The following GULP1 variants were observed in gnomAD, a reference collection of about 807,000 sequenced individuals.
GULP1 encodes GULP PTB domain containing engulfment adaptor 1, also known as PTB domain-containing engulfment adapter protein 1.
In GULP1, 19 loss-of-function variants were observed where a neutral mutation model predicts 40.9. That is an observed-to-expected ratio of 0.46 (90% CI 0.32 to 0.68). GULP1 has a LOEUF of 0.68. Among genes scored for constraint, GULP1 ranks in the 30% least tolerant of loss-of-function variants. GULP1 has a pLI of 0.03. For missense variants in GULP1, 312 were observed against 362.2 expected, an observed-to-expected ratio of 0.86 and a Z score of 1.12; for synonymous variants, 119 against 117.6, an observed-to-expected ratio of 1.01 and a Z score of -0.08.
intron 7 of GULP1, among the ~76,000 whole-genome samples, chr2:188,552,718 A>C (rs1372123273): frequency 6.6e-6 from 1 of 151,658 alleles, no homozygotes; most frequent in Non-Finnish European, 1.5e-5. Flanking sequence ...GTAGTCATTT[A>C]AATGATATTA....
intron 4 of GULP1, among the ~76,000 whole-genome samples, chr2:188,519,075 G>C (rs1281932007): frequency 6.6e-6 from 1 of 151,852 alleles, no homozygotes; most frequent in Non-Finnish European, 1.5e-5. Flanking sequence ...GAAGTATAAG[G>C]CATAAACTTT....
intron 1 of GULP1, among the ~76,000 whole-genome samples, chr2:188,375,754 C>T (rs1278280045): frequency 2.6e-5 from 4 of 152,108 alleles, no homozygotes; most frequent in Non-Finnish European, 5.9e-5. Context: ...ATCACAATTT[C>T]ATCTTCTAAA....
chr2:188,387,755 T>G (rs2049968134), intron 2 of GULP1, among the ~76,000 whole-genome samples: 1 of 152,156 alleles, frequency 6.6e-6, no homozygotes, highest in South Asian at 2.1e-4. Context: ...GCAGAGTAGT[T>G]GGAAGTGTGT....
At chr2:188,380,143 A>G (rs756327979) in intron 1 of GULP1, among the ~76,000 whole-genome samples, 6 of 152,118 alleles carry the variant, frequency 3.9e-5, no homozygotes, top group Non-Finnish European at 8.8e-5. Flanking sequence ...AGGTATGACT[A>G]TTTGCATGTC....
At chr2:188,589,624 T>C (rs1703115460) in intron 11 of GULP1, 1 of 509,204 alleles carries the variant, frequency 2.0e-6, no homozygotes, top group Non-Finnish European at 3.5e-6. Flanking sequence ...ACACAATGTA[T>C]TGGGATGATT....
chr2:188,309,509 G>C (rs532608810), intron 1 of GULP1, among the ~76,000 whole-genome samples: 3 of 152,042 alleles, frequency 2.0e-5, no homozygotes, highest in Non-Finnish European at 4.4e-5. Flanking sequence ...ATATTATCTT[G>C]AGATTCCAAC....
chr2:188,447,634 C>G (rs1468304436), intron 2 of GULP1, among the ~76,000 whole-genome samples: 1 of 152,100 alleles, frequency 6.6e-6, no homozygotes, highest in Non-Finnish European at 1.5e-5. Context: ...AATCCAGATG[C>G]AATCATGTTG....
chr2:188,580,552 CAAAA>C (rs35794163), intron 9 of GULP1, among the ~76,000 whole-genome samples: 4 of 121,324 alleles, frequency 3.3e-5, no homozygotes, highest in Admixed American at 8.2e-5. Context: ...GACTCCGTCT[CAAAA>C]AAAAAAAAAA....
intron 1 of GULP1, chr2:188,297,508 TC>T: frequency 2.1e-6 from 1 of 483,612 alleles, no homozygotes. Flanking sequence ...CCACCAGTCC[TC>T]CAGGAACATC....
Position 188,499,435 on chromosome 2 carries a change from T to C in GULP1, c.90+15943T>C, listed in dbSNP as rs954576814. 4.0e-5 allele frequency among the ~76,000 whole-genome samples: 6 copies of C among 151,572 alleles called. No individual in the cohort carries two copies. In the East Asian group the frequency reaches 9.8e-4, roughly 25 times the overall value. On this transcript the variant is annotated intron_variant, in intron 4 of 11. Transcript: ENST00000409830. Reference sequence around the variant, plus strand: ...AAAAGTCATCACAAACATGAAAAACTCATCTCCTGAAAACTACAGAAATTA... The same window carrying C: ...AAAAGTCATCACAAACATGAAAAACCCATCTCCTGAAAACTACAGAAATTA...
chr2:188,343,527 A>C (rs769320142), intron 1 of GULP1, among the ~76,000 whole-genome samples: 2 of 152,210 alleles, frequency 1.3e-5, no homozygotes, highest in African/African-American at 2.4e-5. Flanking sequence ...CTTAAAGCGA[A>C]TTACAAAAAG....
At chr2:188,391,920 T>C (rs2152554358) in intron 2 of GULP1, among the ~76,000 whole-genome samples, 1 of 152,190 alleles carries the variant, frequency 6.6e-6, no homozygotes, top group Admixed American at 6.5e-5. Flanking sequence ...CATTATTGAC[T>C]TGTGTATGTT....
rs114565714 is a variant in GULP1, at chr2:188,334,018, T to C, written c.-172+41852T>C. ...TTCTTAGACCACATTCCCTAAAGAC[T>C]AGGGAATTTCTGTAGTGACTCCACC... is the stretch of plus-strand genomic sequence containing the variant. On this transcript the variant is annotated intron_variant, in intron 1 of 11. Transcript: ENST00000409830. 3.0e-3 allele frequency among the ~76,000 whole-genome samples: 463 copies of C among 152,210 alleles called. 1 individual carries two copies. Among genetic ancestry groups the C allele is most frequent in the Middle Eastern group, 6.8e-3 (2 of 294 alleles).
chr2:188,421,956 G>A (rs2055486578), intron 2 of GULP1, among the ~76,000 whole-genome samples: 2 of 152,028 alleles, frequency 1.3e-5, no homozygotes, highest in Admixed American at 6.6e-5. Context: ...CAAAGAAAAA[G>A]TATCGGACCA....
intron 10 of GULP1, among the ~76,000 whole-genome samples, chr2:188,587,614 G>A (rs1263700316): frequency 6.6e-6 from 1 of 152,082 alleles, no homozygotes; most frequent in African/African-American, 2.4e-5. Context: ...CTAAAACACA[G>A]AAACCTCTCT....
At chr2:188,529,631 T>A (rs1687056107) in intron 6 of GULP1, among the ~76,000 whole-genome samples, 1 of 152,156 alleles carries the variant, frequency 6.6e-6, no homozygotes, top group South Asian at 2.1e-4. Flanking sequence ...CTGGGTGGCT[T>A]AAACAGCAGA....
chr2:188,382,019 G>A lies in GULP1; in HGVS notation c.-171-1744G>A, dbSNP rs1203815058. ...TAAAATTATAAAATATAAATATATG[G>A]CCTTAAAATATACTGTGCTAATATT... On this transcript the variant is annotated intron_variant, in intron 1 of 11. Transcript: ENST00000409830. Among the ~76,000 whole-genome samples, 10 of 152,162 alleles carry A rather than the reference G, an allele frequency of 6.6e-5. 1 individual carries two copies. In the East Asian group the frequency reaches 1.9e-3, roughly 29 times the overall value.
In GULP1 at chr2:188,431,405, G is replaced by A. The variant is rs549544054; in HGVS notation, c.-44-46254G>A. On this transcript the variant is annotated intron_variant, in intron 2 of 11. Transcript: ENST00000409830. Reference sequence around the variant, plus strand: ...TTAGCATCTCAGGTCTTCTCAAAGGGTGGACAGTTGAAAGCAGCAGGGTAT... The same window carrying A: ...TTAGCATCTCAGGTCTTCTCAAAGGATGGACAGTTGAAAGCAGCAGGGTAT... Among the ~76,000 whole-genome samples, 9 of 152,258 alleles carry A rather than the reference G, an allele frequency of 5.9e-5. No individual in the cohort carries two copies. In the South Asian group the frequency reaches 1.9e-3, roughly 32 times the overall value.
intron 6 of GULP1, among the ~76,000 whole-genome samples, chr2:188,535,033 A>C (rs1040135744): frequency 1.1e-4 from 17 of 151,018 alleles, no homozygotes; most frequent in African/African-American, 4.1e-4. Context: ...TTAATAATTA[A>C]TATTCAATTA....
Sources: allele counts gnomAD v4.1 joint callset (sites outside exome capture counted in the v4.1 genomes callset), GRCh38; gene constraint gnomAD v4.1.1; transcripts MANE v1.5; gene names NCBI Gene and HGNC (gene_info 2026-07-23, HGNC 2026-07-21).